Variants in NOTCH2NLB observed in about 807,000 individuals in gnomAD.
NOTCH2NLB encodes the protein notch homolog 2 N-terminal-like protein B.
NOTCH2NLB carries 1 observed loss-of-function variant against 14.8 expected under a neutral mutation model. The ratio of observed to expected loss-of-function variants is 0.07; its 90% confidence interval spans 0.02 to 0.32. The LOEUF is 0.32. NOTCH2NLB is among the 10% of genes least tolerant of loss of function. The pLI, the probability that NOTCH2NLB is intolerant of heterozygous loss-of-function variation, is 1.00. For missense variants in NOTCH2NLB, 11 were observed against 155.0 expected, an observed-to-expected ratio of 0.07 and a Z score of 4.93; for synonymous variants, 6 against 57.5, an observed-to-expected ratio of 0.10 and a Z score of 4.05.
chr1:148,660,504 G>A (rs1222982615), intron 1 of NOTCH2NLB, among the ~76,000 whole-genome samples: 2 of 147,514 alleles, frequency 1.4e-5, no homozygotes, highest in African/African-American at 4.9e-5. Flanking sequence ...ACCTGGCTAT[G>A]GAGTCATGTG....
intron 3 of NOTCH2NLB, among the ~76,000 whole-genome samples, chr1:148,610,373 G>GAGAA (rs1412553750): frequency 0.01 from 896 of 89,040 alleles, 50 homozygotes; most frequent in Admixed American, 0.027. Context: ...AAGAAAGAAA[G>GAGAA]AGAAAGAAAG....
Position 148,679,431 on chromosome 1 carries a change from C to T in NOTCH2NLB, c.3+31G>A. The T allele has an allele frequency of 2.1e-6, 2 of 973,140 alleles. 1 individual carries two copies. Among genetic ancestry groups the T allele is most frequent in the East Asian group, 1.4e-4 (2 of 14,766 alleles). 60.3% of individuals were successfully genotyped at this position (973,140 alleles called of 1,614,324 possible). A position where few individuals can be genotyped will look rare whatever the true frequency, so the allele number is the denominator to read the frequency against. ...CGCCCCAGGTGGCAGCCCCGGGCGCCGCGGACAGCGCCCCTCAGCCCGATA... is the reference window on the plus strand; with the variant it reads ...CGCCCCAGGTGGCAGCCCCGGGCGCTGCGGACAGCGCCCCTCAGCCCGATA... On this transcript the variant is annotated intron_variant, in intron 1 of 4. Coordinates refer to ENST00000593495, the Ensembl canonical transcript of NOTCH2NLB.
intron 2 of NOTCH2NLB, among the ~76,000 whole-genome samples, chr1:148,625,705 G>T (rs1441424115): frequency 4.4e-5 from 5 of 114,478 alleles, no homozygotes; most frequent in Admixed American, 3.3e-4. Flanking sequence ...AGCTCTAGAG[G>T]GGGGAGCTGT....
chr1:148,673,694 T>A (rs1664796054), intron 1 of NOTCH2NLB, among the ~76,000 whole-genome samples: 1 of 151,292 alleles, frequency 6.6e-6, no homozygotes, highest in Non-Finnish European at 1.5e-5. Flanking sequence ...CATAGCAGCT[T>A]TCTTCTCTGT....
downstream of NOTCH2NLB, among the ~76,000 whole-genome samples, chr1:148,602,276 AAAAAG>A (rs1312706018): frequency 4.7e-3 from 289 of 61,970 alleles, no homozygotes; most frequent in African/African-American, 0.011. Flanking sequence ...AAAAAAAAAA[AAAAAG>A]AAAAGAAAAG....
intron 1 of NOTCH2NLB, among the ~76,000 whole-genome samples, chr1:148,670,566 A>ATATATG (rs1664755394): frequency 5.8e-5 from 8 of 139,022 alleles, no homozygotes; most frequent in African/African-American, 1.5e-4. Flanking sequence ...ATATATATAT[A>ATATATG]TATATATATA....
At chr1:148,610,943 GA>G (rs1369502590) in intron 3 of NOTCH2NLB, among the ~76,000 whole-genome samples, 23 of 44,148 alleles carry the variant, frequency 5.2e-4, no homozygotes, top group African/African-American at 2.7e-3. Context: ...AACACACCAA[GA>G]AGAGATCCTT....
At chr1:148,637,960 T>C (rs1664250137) in intron 2 of NOTCH2NLB, among the ~76,000 whole-genome samples, 1 of 148,264 alleles carries the variant, frequency 6.7e-6, no homozygotes, top group East Asian at 1.9e-4. Context: ...CCATCGTGTA[T>C]ACATGCCACA....
intron 3 of NOTCH2NLB, among the ~76,000 whole-genome samples, chr1:148,610,374 A>AAAGAAAGG (rs1571088226): frequency 1.1e-5 from 1 of 90,884 alleles, no homozygotes; most frequent in Non-Finnish European, 2.2e-5. Flanking sequence ...AGAAAGAAAG[A>AAAGAAAGG]GAAAGAAAGA....
At chr1:148,670,584 A>G (rs1205759706) in intron 1 of NOTCH2NLB, among the ~76,000 whole-genome samples, 5 of 137,022 alleles carry the variant, frequency 3.6e-5, no homozygotes, top group Non-Finnish European at 8.1e-5. Flanking sequence ...ATATAAATAA[A>G]TCAACAGCTT....
At chr1:148,712,411 C>T in the NOTCH2NLB span, among the ~76,000 whole-genome samples, 1 of 151,468 alleles carries the variant, frequency 6.6e-6, no homozygotes. Flanking sequence ...AGAGGAATTC[C>T]ACATTCAGCA....
chr1:148,613,135 G>A (rs1663741039), intron 3 of NOTCH2NLB, among the ~76,000 whole-genome samples: 2 of 148,432 alleles, frequency 1.3e-5, no homozygotes, highest in African/African-American at 2.5e-5. Context: ...AAGATTTATT[G>A]ACTTCACATC....
At chr1:148,645,883 T>C (rs1158560623) in intron 1 of NOTCH2NLB, among the ~76,000 whole-genome samples, 1 of 150,648 alleles carries the variant, frequency 6.6e-6, no homozygotes, top group Non-Finnish European at 1.5e-5. Flanking sequence ...TTTCTGAGTA[T>C]TTGAAGCAAT....
chr1:148,625,693 T>G (rs1459288052), intron 2 of NOTCH2NLB, among the ~76,000 whole-genome samples: 1 of 116,596 alleles, frequency 8.6e-6, no homozygotes, highest in African/African-American at 3.9e-5. Context: ...CTGCCCTAGC[T>G]GAGCTCTAGA....
intron 2 of NOTCH2NLB, among the ~76,000 whole-genome samples, chr1:148,633,472 G>A: frequency 1.3e-5 from 1 of 74,800 alleles, no homozygotes; most frequent in South Asian, 5.9e-4. Flanking sequence ...AGAATGGCAT[G>A]AACCCGGGAG....
chr1:148,670,469 T>C lies in NOTCH2NLB; in HGVS notation c.3+8993A>G, dbSNP rs1158386136. ...AAAGATTTTTAAAAATAAAACCTAG[T>C]GTTGACAATAGTATATTATGTGTGT... On this transcript the variant is annotated intron_variant, in intron 1 of 4. Coordinates refer to ENST00000593495, the Ensembl canonical transcript of NOTCH2NLB. Among the ~76,000 whole-genome samples the C allele has an allele frequency of 2.8e-5, 4 of 142,164 alleles. 1 individual carries two copies. The highest frequency in any genetic ancestry group is 4.7e-5 in the Non-Finnish European group (3 of 63,900). The allele number at this position is 142,164 out of a possible 152,430, so 93.3% of individuals were successfully genotyped here. A position where few individuals can be genotyped will look rare whatever the true frequency, so the allele number is the denominator to read the frequency against.
chr1:148,605,311 A>G (rs1663478236), downstream of NOTCH2NLB, among the ~76,000 whole-genome samples: 1 of 139,784 alleles, frequency 7.2e-6, no homozygotes, highest in South Asian at 2.3e-4. Context: ...CCTGGTCCCA[A>G]GATTTTTGTG....
chr1:148,637,855 T>G (rs1242075769), intron 2 of NOTCH2NLB, among the ~76,000 whole-genome samples: 3 of 147,718 alleles, frequency 2.0e-5, no homozygotes, highest in Non-Finnish European at 4.5e-5. Context: ...TGGTTTTCTG[T>G]TCCTGTGTTA....
chr1:148,649,671 C>T (rs1336940192), intron 1 of NOTCH2NLB, among the ~76,000 whole-genome samples: 8 of 151,740 alleles, frequency 5.3e-5, no homozygotes, highest in Admixed American at 2.0e-4. Context: ...CCACCACAAC[C>T]GGCTAATTTT....
Sources: gnomAD v4.1 joint callset for allele counts (sites outside exome capture counted in the v4.1 genomes callset) on GRCh38, gnomAD v4.1.1 for gene constraint, MANE v1.5 for transcripts, NCBI Gene and HGNC (gene_info 2026-07-23, HGNC 2026-07-21) for gene names.